CAST: variants seen among roughly 807,000 people sequenced by gnomAD.
CAST encodes the protein calpastatin, also known as MIR583 host.
A neutral mutation model predicts 119.6 loss-of-function variants in CAST; 76 were observed. That is an observed-to-expected ratio of 0.64 (90% confidence interval 0.53 to 0.77). The LOEUF is 0.77. Among genes scored for constraint, CAST ranks in the 30% least tolerant of loss-of-function variants. CAST has a pLI of 0.00. For missense variants in CAST, 953 were observed against 946.5 expected (o/e 1.01, Z -0.09); for synonymous variants, 319 against 331.6 (o/e 0.96, Z 0.41).
chr5:96,500,596 A>T, the CAST span, among the ~76,000 whole-genome samples: 2 of 152,094 alleles, frequency 1.3e-5, no homozygotes, highest in East Asian at 1.9e-4. Context: ...GGTTGGTCTC[A>T]GTTTCAGATA....
the CAST span, among the ~76,000 whole-genome samples, chr5:96,387,887 A>T: frequency 2.6e-5 from 4 of 152,236 alleles, no homozygotes; most frequent in Non-Finnish European, 5.9e-5. Flanking sequence ...AGGGACAGGG[A>T]TACAGGAAAT....
chr5:96,635,613 A>T (rs777929564), intron 1 of CAST, among the ~76,000 whole-genome samples: 1 of 152,200 alleles, frequency 6.6e-6, no homozygotes, highest in South Asian at 2.1e-4. Context: ...AAATCTTGCT[A>T]CTAGTGTACT....
the CAST span, chr5:96,425,785 G>C: frequency 8.5e-7 from 1 of 1,177,268 alleles, no homozygotes; most frequent in Non-Finnish European, 1.3e-6. Context: ...CCAGGTCCCA[G>C]GTCCCACCCA....
chr5:96,580,017 A>G (rs1420868557), intron 1 of CAST, among the ~76,000 whole-genome samples: 3 of 152,234 alleles, frequency 2.0e-5, no homozygotes. Context: ...AACAGGATCA[A>G]AGTCACTGTA....
chr5:96,616,486 A>T (rs964143780), intron 1 of CAST, among the ~76,000 whole-genome samples: 23 of 152,158 alleles, frequency 1.5e-4, no homozygotes, highest in Non-Finnish European at 2.9e-5. Flanking sequence ...AGTGCCTGGG[A>T]CATTGATGTG....
chr5:96,416,002 G>A, the CAST span: 1 of 1,374,402 alleles, frequency 7.3e-7, no homozygotes, highest in Non-Finnish European at 1.0e-6. Flanking sequence ...ACATTAAAAT[G>A]CCAAGCTATA....
At position 96,697,774 on chromosome 5, in the gene CAST, G is replaced by A. The variant is rs181525468; in HGVS notation, c.210+1867G>A. On this transcript the variant is annotated intron_variant, in intron 3 of 31. Coordinates refer to ENST00000675179, the MANE Select transcript of CAST (RefSeq NM_001750.7). ...CCACTGAGCTTCAGTTTCTTCATCTGTAAAATGAGGGTTGGACTTCTCTTG... is the reference window on the plus strand; with the variant it reads ...CCACTGAGCTTCAGTTTCTTCATCTATAAAATGAGGGTTGGACTTCTCTTG... Among the ~76,000 whole-genome samples the A allele has an allele frequency of 3.8e-3, 575 of 152,264 alleles. 10 individuals carry two copies. Among genetic ancestry groups the A allele is most frequent in the South Asian group, 0.033 (160 of 4,822 alleles).
chr5:96,765,265 C>A lies in CAST; in HGVS notation c.1977C>A (p.Asp659Glu). The A allele has an allele frequency of 6.3e-7, 1 of 1,597,266 alleles. No homozygotes were observed. Among genetic ancestry groups the A allele is most frequent in the Non-Finnish European group, 8.5e-7 (1 of 1,173,248 alleles). The change falls in exon 26 of 32, where the codon GAC becomes GAA. Residue 659 changes from aspartate to glutamate, a missense_variant. By Grantham distance (45) the Asp-to-Glu change is conservative. Coordinates refer to ENST00000675179, the MANE Select transcript of CAST (RefSeq NM_001750.7). ...DLDDALDKLS[D>E]SLGQRQPDPD... ...ATGATGCCTTGGATAAACTCTCTGA[C>A]AGTCTAGGACAAAGGCAGCCTGACC...
At chr5:96,479,151 A>G in the CAST span, among the ~76,000 whole-genome samples, 2 of 152,158 alleles carry the variant, frequency 1.3e-5, no homozygotes, top group Non-Finnish European at 2.9e-5. Context: ...ACATGCTGAC[A>G]CCTGCTTAGT....
At chr5:96,637,299 G>A (rs2150202737) in intron 1 of CAST, among the ~76,000 whole-genome samples, 1 of 152,238 alleles carries the variant, frequency 6.6e-6, no homozygotes, top group South Asian at 2.1e-4. Context: ...TAAAGCACAG[G>A]GAGGCCAGGT....
chr5:96,578,034 G>A (rs550101315), intron 1 of CAST, among the ~76,000 whole-genome samples: 69 of 152,238 alleles, frequency 4.5e-4, no homozygotes, highest in Non-Finnish European at 7.5e-4. Flanking sequence ...GAAGGGTATG[G>A]AAGTCTTCAA....
the CAST span, among the ~76,000 whole-genome samples, chr5:96,145,919 C>A: frequency 2.0e-5 from 3 of 152,126 alleles, no homozygotes; most frequent in Non-Finnish European, 2.9e-5. Flanking sequence ...TAGCTGACAG[C>A]TGGTAGCTCA....
chr5:96,688,771 G>A lies in CAST; in HGVS notation c.139-7065G>A, dbSNP rs192869506. Reference sequence around the variant, plus strand: ...CTTCCTACTTTTTTTAATCTTAAGTGTATTTATTAAACCAGAAGAAAAAGA... The same window carrying A: ...CTTCCTACTTTTTTTAATCTTAAGTATATTTATTAAACCAGAAGAAAAAGA... On this transcript the variant is annotated intron_variant, in intron 2 of 31. Coordinates refer to ENST00000675179, the MANE Select transcript of CAST (RefSeq NM_001750.7). 4.6e-5 allele frequency among the ~76,000 whole-genome samples: 7 copies of A among 152,138 alleles called. No individual in the cohort carries two copies. The East Asian group carries it at 7.7e-4, about 17-fold the overall frequency.
At chr5:96,391,114 C>T in the CAST span, 1 of 152,196 alleles carries the variant, frequency 6.6e-6, no homozygotes, top group Non-Finnish European at 1.5e-5. Context: ...CTATCTAACA[C>T]TTCATATCAA....
the CAST span, among the ~76,000 whole-genome samples, chr5:96,029,264 G>A: frequency 6.6e-6 from 1 of 152,082 alleles, no homozygotes; most frequent in Non-Finnish European, 1.5e-5. Flanking sequence ...GATTTTGGCA[G>A]ATAATGAAAC....
chr5:96,188,636 C>T, the CAST span, among the ~76,000 whole-genome samples: 1 of 152,110 alleles, frequency 6.6e-6, no homozygotes, highest in Non-Finnish European at 1.5e-5. Context: ...TTTCCCTCCC[C>T]CCTTTAATAT....
At chr5:96,480,313 A>G in the CAST span, among the ~76,000 whole-genome samples, 3 of 152,196 alleles carry the variant, frequency 2.0e-5, no homozygotes, top group South Asian at 2.1e-4. Context: ...AGTACAATGT[A>G]GAGGCATTCA....
the CAST span, among the ~76,000 whole-genome samples, chr5:96,495,131 A>AC: frequency 3.7e-4 from 49 of 132,860 alleles, no homozygotes; most frequent in Middle Eastern, 3.7e-3. Context: ...TCAAAAAAAA[A>AC]AAAAAAAAAG....
chr5:96,017,084 C>T, the CAST span, among the ~76,000 whole-genome samples: 2 of 152,112 alleles, frequency 1.3e-5, no homozygotes, highest in Non-Finnish European at 2.9e-5. Context: ...GATCCACCTG[C>T]CTTGGTCTCC....
Sources: allele counts gnomAD v4.1 joint callset (sites outside exome capture counted in the v4.1 genomes callset), GRCh38; gene constraint gnomAD v4.1.1; transcripts MANE v1.5; gene names NCBI Gene and HGNC (gene_info 2026-07-23, HGNC 2026-07-21).